Variants in HMCN1 observed in about 807,000 individuals in gnomAD.
The protein encoded by HMCN1 is hemicentin 1, also known as hemicentin-1.
In HMCN1, 321 loss-of-function variants were observed where a neutral mutation model predicts 625.9. The observed-to-expected ratio is 0.51, with a 90% CI of 0.47 to 0.56. The LOEUF (loss-of-function observed/expected upper bound fraction) is 0.56. HMCN1 is among the 20% of genes least tolerant of loss of function. HMCN1 has a pLI of 0.00. For synonymous variants in HMCN1, 2,425 were observed against 2,417.6 expected, an observed-to-expected ratio of 1.00 and a Z score of -0.09; for missense variants, 6,588 against 6,887.3, an observed-to-expected ratio of 0.96 and a Z score of 1.54.
chr1:185,755,008 A>T (rs1452477026), intron 1 of HMCN1, among the ~76,000 whole-genome samples: 3 of 152,170 alleles, frequency 2.0e-5, no homozygotes, highest in Non-Finnish European at 2.9e-5. Context: ...GGATAATTAT[A>T]GTACCTTCTC....
chr1:186,061,832 A>T lies in HMCN1; in HGVS notation c.7313-19A>T. 2.0e-6 allele frequency: 3 copies of T among 1,537,244 alleles called. No homozygotes were observed. The highest frequency in any genetic ancestry group is 2.7e-6 in the Non-Finnish European group (3 of 1,111,566). On this transcript the variant is annotated intron_variant, in intron 46 of 106. Coordinates refer to ENST00000271588, the MANE Select transcript of HMCN1 (RefSeq NM_031935.3). ...TTTTTCTTTTTAAGTTATCTTAAAA[A>T]GATGGTTTGCTTCTGCAGGAGGCAG... is the stretch of plus-strand genomic sequence containing the variant.
At chr1:186,058,617 T>C (rs969536389) in intron 46 of HMCN1, among the ~76,000 whole-genome samples, 35 of 151,828 alleles carry the variant, frequency 2.3e-4, no homozygotes, top group African/African-American at 8.5e-4. Context: ...TTTTTCTAGT[T>C]CCAGAGGTTA....
At position 186,130,685 on chromosome 1, in the gene HMCN1, C is replaced by T. The variant is rs1661884948; in HGVS notation, c.13218C>T (p.Ile4406=). ...IRQLGNGSLA[I]YGTVNEDAGD... is the part of the protein sequence containing the mutation. ...AACTGGGCAATGGCTCCCTGGCCATCTATGGCACTGTTGTAAGTCACGCCA... is the reference window on the plus strand; with the variant it reads ...AACTGGGCAATGGCTCCCTGGCCATTTATGGCACTGTTGTAAGTCACGCCA... Residue 4406 remains isoleucine, a synonymous_variant, in exon 85 of 107, where the codon ATC becomes ATT. Transcript: ENST00000271588. 6.2e-7 allele frequency: 1 copy of T among 1,612,420 alleles called. No individual in the cohort carries two copies. Among genetic ancestry groups the T allele is most frequent in the African/African-American group, 1.3e-5 (1 of 74,826 alleles).
intron 1 of HMCN1, among the ~76,000 whole-genome samples, chr1:185,820,253 T>A (rs1363358314): frequency 6.6e-6 from 1 of 152,128 alleles, no homozygotes; most frequent in African/African-American, 2.4e-5. Flanking sequence ...CCCAAATAGA[T>A]TAGCCTTTTT....
chr1:186,090,669 C>A, intron 63 of HMCN1, 89 bp from the exon 64 acceptor site: 1 of 1,422,222 alleles, frequency 7.0e-7, no homozygotes, highest in Non-Finnish European at 9.9e-7. Flanking sequence ...AGAATATGAA[C>A]TAGAAATGTC....
At chr1:185,754,694 A>G (rs1366514192) in intron 1 of HMCN1, among the ~76,000 whole-genome samples, 4 of 152,052 alleles carry the variant, frequency 2.6e-5, no homozygotes, top group East Asian at 3.9e-4. Flanking sequence ...TTTAAAAAAT[A>G]CAAATTAACC....
intron 4 of HMCN1, among the ~76,000 whole-genome samples, chr1:185,895,778 T>C (rs1409296864): frequency 6.6e-6 from 1 of 152,202 alleles, no homozygotes; most frequent in East Asian, 1.9e-4. Flanking sequence ...AATGAGCATG[T>C]GTAAGACCTT....
At chr1:185,991,944 T>C (rs1652461014) in intron 22 of HMCN1, among the ~76,000 whole-genome samples, 1 of 152,204 alleles carries the variant, frequency 6.6e-6, no homozygotes, top group South Asian at 2.1e-4. Context: ...GTGCATGGTA[T>C]TGACTGACTG....
intron 1 of HMCN1, among the ~76,000 whole-genome samples, chr1:185,807,806 T>C (rs898083155): frequency 6.6e-6 from 1 of 152,096 alleles, no homozygotes; most frequent in East Asian, 1.9e-4. Flanking sequence ...GTCTGAAAGA[T>C]GAGAGATAAC....
At chr1:186,152,311 G>A (rs145435378) in intron 95 of HMCN1, among the ~76,000 whole-genome samples, 62 of 152,232 alleles carry the variant, frequency 4.1e-4, no homozygotes, top group African/African-American at 1.3e-3. Flanking sequence ...GCTTGAGGAC[G>A]GCTTATCTTT....
chr1:186,001,159 C>T (rs1170725417), intron 26 of HMCN1, 139 bp from the exon 27 acceptor site: 1 of 703,822 alleles, frequency 1.4e-6, no homozygotes, highest in African/African-American at 1.8e-5. Context: ...AATTTTATAA[C>T]AAAGCATATG....
chr1:186,091,184 T>TAA (rs1659823515), intron 64 of HMCN1, among the ~76,000 whole-genome samples: 3 of 152,032 alleles, frequency 2.0e-5, no homozygotes, highest in Admixed American at 2.0e-4. Flanking sequence ...ACTCATTAAC[T>TAA]GTAATGTTAA....
chr1:186,138,780 G>A (rs1649779016), intron 89 of HMCN1, among the ~76,000 whole-genome samples: 1 of 152,156 alleles, frequency 6.6e-6, no homozygotes, highest in Non-Finnish European at 1.5e-5. Flanking sequence ...GTTTACCCCT[G>A]AACTCAAGTG....
intron 4 of HMCN1, among the ~76,000 whole-genome samples, chr1:185,868,310 A>G (rs1663398471): frequency 6.6e-6 from 1 of 152,188 alleles, no homozygotes; most frequent in Non-Finnish European, 1.5e-5. Flanking sequence ...TAGAGCGTTT[A>G]TTAAATGGCA....
intron 15 of HMCN1, among the ~76,000 whole-genome samples, chr1:185,974,043 CTGTT>C (rs1194105338): frequency 6.6e-6 from 1 of 152,154 alleles, no homozygotes. Flanking sequence ...GATGGTCAAT[CTGTT>C]TGTGATTTTT....
chr1:185,911,606 G>A (rs1666423917), intron 5 of HMCN1, 68 bp from the exon 6 acceptor site: 2 of 1,133,968 alleles, frequency 1.8e-6, no homozygotes, highest in Non-Finnish European at 2.7e-6. Context: ...TTTATGTAGT[G>A]TTAAATTAGC....
intron 8 of HMCN1, among the ~76,000 whole-genome samples, chr1:185,924,292 G>A (rs959398499): frequency 9.9e-5 from 14 of 141,050 alleles, no homozygotes; most frequent in Admixed American, 8.9e-4. Context: ...GTGCAGTGGC[G>A]CGATCTCGGC....
intron 80 of HMCN1, among the ~76,000 whole-genome samples, chr1:186,121,411 G>A (rs984980998): frequency 1.3e-5 from 2 of 152,146 alleles, no homozygotes; most frequent in Non-Finnish European, 1.5e-5. Context: ...AGTGGAGATG[G>A]GAGCACAAAT....
In HMCN1 at chr1:185,780,936, G is replaced by C. The variant is rs374753094; in HGVS notation, c.268+45889G>C. 2.7e-4 allele frequency among the ~76,000 whole-genome samples: 41 copies of C among 151,810 alleles called. 1 individual carries two copies. The highest frequency in any genetic ancestry group is 7.8e-4 in the East Asian group (4 of 5,160). On this transcript the variant is annotated intron_variant, in intron 1 of 106. Coordinates refer to ENST00000271588, the MANE Select transcript of HMCN1 (RefSeq NM_031935.3). ...TCAGAAGGAATGGTACCAGCTCCTC[G>C]TTGTACCTCTGGTAGAATTCAGCTG...
Sources: allele counts gnomAD v4.1 joint callset (sites outside exome capture counted in the v4.1 genomes callset), GRCh38; gene constraint gnomAD v4.1.1; transcripts MANE v1.5; gene names NCBI Gene and HGNC (gene_info 2026-07-23, HGNC 2026-07-21).